Variants in NALCN observed in about 807,000 individuals in gnomAD.
NALCN encodes the protein sodium leak channel NALCN.
Under a neutral mutation model 225.3 loss-of-function variants are expected in NALCN, and 111 were observed. The observed-to-expected ratio is 0.49, with a 90% CI of 0.42 to 0.58. NALCN has a LOEUF of 0.58. NALCN is among the 20% of genes least tolerant of loss of function. The pLI, the probability that NALCN is intolerant of heterozygous loss-of-function variation, is 0.00. For missense variants in NALCN, 1,378 were observed against 2,202.4 expected, an observed-to-expected ratio of 0.63 and a Z score of 7.49; for synonymous variants, 764 against 769.0, an observed-to-expected ratio of 0.99 and a Z score of 0.11.
intron 14 of NALCN, among the ~76,000 whole-genome samples, chr13:101,184,258 GTC>G (rs945300409): frequency 4.6e-5 from 7 of 152,204 alleles, no homozygotes; most frequent in African/African-American, 7.2e-5. Context: ...AGTCTGGGAA[GTC>G]TCTCTCAGAA....
intron 7 of NALCN, among the ~76,000 whole-genome samples, chr13:101,296,782 G>A (rs1272682447): frequency 6.6e-6 from 1 of 152,164 alleles, no homozygotes; most frequent in East Asian, 1.9e-4. Context: ...ACAAATTAAA[G>A]CTGTGCAAGA....
chr13:101,064,671 A>G (rs2032222595), intron 40 of NALCN, among the ~76,000 whole-genome samples: 1 of 152,080 alleles, frequency 6.6e-6, no homozygotes, highest in South Asian at 2.1e-4. Flanking sequence ...GCGCACCTCC[A>G]GCAGCCAGGG....
intron 1 of NALCN, among the ~76,000 whole-genome samples, chr13:101,407,092 C>T (rs1402389092): frequency 2.6e-5 from 4 of 152,154 alleles, no homozygotes; most frequent in African/African-American, 2.4e-5. Context: ...TTCTGTCATA[C>T]CCAAAATCCA....
intron 10 of NALCN, among the ~76,000 whole-genome samples, chr13:101,259,517 G>A (rs569704492): frequency 5.9e-5 from 9 of 151,288 alleles, no homozygotes; most frequent in Non-Finnish European, 1.3e-4. Flanking sequence ...TGTATTTTTA[G>A]TAGAGACAGG....
chr13:101,247,043 C>T (rs954542851), intron 11 of NALCN, among the ~76,000 whole-genome samples: 1 of 152,128 alleles, frequency 6.6e-6, no homozygotes, highest in Non-Finnish European at 1.5e-5. Context: ...ACCAGAAATG[C>T]AACAGAAACA....
chr13:101,268,329 G>C (rs999235702), intron 10 of NALCN, among the ~76,000 whole-genome samples: 1 of 152,074 alleles, frequency 6.6e-6, no homozygotes, highest in Non-Finnish European at 1.5e-5. Flanking sequence ...TTACATTATG[G>C]AAAGCAGAAA....
intron 15 of NALCN, among the ~76,000 whole-genome samples, chr13:101,167,855 A>G (rs1352640901): frequency 6.8e-6 from 1 of 146,208 alleles, no homozygotes; most frequent in Non-Finnish European, 1.5e-5. Context: ...ACAAAAACAA[A>G]AACTGTTAAG....
intron 15 of NALCN, among the ~76,000 whole-genome samples, chr13:101,161,148 T>C (rs911149199): frequency 6.6e-6 from 1 of 152,232 alleles, no homozygotes; most frequent in Non-Finnish European, 1.5e-5. Context: ...GTCTGTTCTG[T>C]TCATTGACCT....
Position 101,089,634 on chromosome 13 carries a change from C to G in NALCN, c.3489+29G>C. ...AGTGAGTGGCTAGAAAAGGCTAAAC[C>G]CTGTGGTATCCAAACCAAAAATCCT... On this transcript the variant is annotated intron_variant, in intron 30 of 43. Transcript: ENST00000251127. The surrounding 1 kb of genome is among the most constrained non-coding windows in gnomAD (Gnocchi z 4.7). The G allele has an allele frequency of 6.2e-7, 1 of 1,602,460 alleles. No homozygotes were observed.
chr13:101,233,277 G>C (rs1435341408), intron 12 of NALCN, among the ~76,000 whole-genome samples: 1 of 152,024 alleles, frequency 6.6e-6, no homozygotes, highest in Admixed American at 6.5e-5. Flanking sequence ...GATTTGTAGT[G>C]AGATGCTGTA....
At chr13:101,118,855 T>TC (rs370311817) in intron 18 of NALCN, among the ~76,000 whole-genome samples, 18 of 152,324 alleles carry the variant, frequency 1.2e-4, no homozygotes, top group Non-Finnish European at 2.2e-4. Context: ...ACCTTCCCTT[T>TC]CCACTGAGGA....
At chr13:101,110,528 A>G (rs2139644960) in intron 20 of NALCN, 91 bp downstream of exon 20, 1 of 1,366,194 alleles carries the variant, frequency 7.3e-7, no homozygotes, top group African/African-American at 1.4e-5. Context: ...ATGGGAATGC[A>G]GCAGAAAGAC....
At chr13:101,136,909 G>A (rs995197580) in intron 17 of NALCN, among the ~76,000 whole-genome samples, 12 of 152,186 alleles carry the variant, frequency 7.9e-5, no homozygotes, top group South Asian at 4.2e-4. Context: ...ACTAGTTTAC[G>A]GTCCCACCAA....
At chr13:101,371,387 T>C (rs965312697) in intron 6 of NALCN, among the ~76,000 whole-genome samples, 2 of 152,152 alleles carry the variant, frequency 1.3e-5, no homozygotes, top group African/African-American at 2.4e-5. Flanking sequence ...GACGCAATCA[T>C]AGCTCACTCT....
At chr13:101,121,296 C>A (rs2139685969) in intron 18 of NALCN, among the ~76,000 whole-genome samples, 1 of 152,204 alleles carries the variant, frequency 6.6e-6, no homozygotes, top group African/African-American at 2.4e-5. Flanking sequence ...AGCCAGGCCT[C>A]CAGAAACCTT....
At chr13:101,189,755 T>TTCAATTTTCAGTTTTAACTTA (rs2039607323) in intron 14 of NALCN, among the ~76,000 whole-genome samples, 1 of 152,220 alleles carries the variant, frequency 6.6e-6, no homozygotes, top group Non-Finnish European at 1.5e-5. Flanking sequence ...AACAAGTTAT[T>TTCAATTTTCAGTTTTAACTTA]TCAATTTTCA....
At chr13:101,210,788 G>A (rs1284489358) in intron 13 of NALCN, among the ~76,000 whole-genome samples, 1 of 152,168 alleles carries the variant, frequency 6.6e-6, no homozygotes, top group Admixed American at 6.6e-5. Context: ...TTAAGTGCCT[G>A]TTTACATGGC....
At chr13:101,254,370 C>CAAAAAAAAAAAAAAAAAAAAAAAAAACA in intron 11 of NALCN, among the ~76,000 whole-genome samples, 1 of 68,062 alleles carries the variant, frequency 1.5e-5, no homozygotes, top group Non-Finnish European at 2.5e-5. Flanking sequence ...GGGACTGTCT[C>CAAAAAAAAAAAAAAAAAAAAAAAAAACA]AAAAAAAAAA....
At chr13:101,127,640 G>A (rs1234565808) in intron 17 of NALCN, among the ~76,000 whole-genome samples, 1 of 152,098 alleles carries the variant, frequency 6.6e-6, no homozygotes, top group Admixed American at 6.5e-5. Context: ...TTACAGGTGT[G>A]AGCCTCCACA....
Sources: gnomAD v4.1 joint callset for allele counts (sites outside exome capture counted in the v4.1 genomes callset) on GRCh38, gnomAD v4.1.1 for gene constraint, Gnocchi (gnomAD v3.1) non-coding constraint, MANE v1.5 for transcripts, NCBI Gene and HGNC (gene_info 2026-07-23, HGNC 2026-07-21) for gene names.